The following DLGAP1 variants were observed in gnomAD, a reference collection of about 807,000 sequenced individuals.
DLGAP1 encodes the protein disks large-associated protein 1.
A neutral mutation model predicts 90.8 loss-of-function variants in DLGAP1; 11 were observed. That is an observed-to-expected ratio of 0.12 (90% CI 0.08 to 0.20). DLGAP1 has a LOEUF of 0.20. DLGAP1 is among the 10% of genes least tolerant of loss of function. The pLI, the probability that DLGAP1 is intolerant of heterozygous loss-of-function variation, is 1.00. For missense variants in DLGAP1, 1,050 were observed against 1,333.8 expected (o/e 0.79, Z 3.31); for synonymous variants, 558 against 540.7 (o/e 1.03, Z -0.44).
At chr18:4,440,096 G>T (rs11875377) in intron 1 of DLGAP1, among the ~76,000 whole-genome samples, 40,060 of 137,984 alleles carry the variant, frequency 0.29, 6,276 homozygotes, top group Non-Finnish European at 0.31. Context: ...CTCCAGCCTG[G>T]GTGACAGAGT....
intron 5 of DLGAP1, among the ~76,000 whole-genome samples, chr18:3,785,289 T>C (rs547151569): frequency 1.8e-4 from 27 of 152,278 alleles, no homozygotes; most frequent in African/African-American, 6.5e-4. Context: ...CAGGGCTGAG[T>C]TGCTTACGGA....
intron 7 of DLGAP1, among the ~76,000 whole-genome samples, chr18:3,648,463 C>T (rs935282129): frequency 1.3e-5 from 2 of 152,232 alleles, no homozygotes; most frequent in African/African-American, 4.8e-5. Context: ...GTGTGATTTC[C>T]GGGTTCATAA....
Position 4,100,978 on chromosome 18 carries a change from C to T in DLGAP1, c.-159+50202G>A, listed in dbSNP as rs112198810. On this transcript the variant is annotated intron_variant, in intron 2 of 12. Transcript: ENST00000315677. Reference sequence around the variant, plus strand: ...GGTTTGATCTTCTACCCAGACCACTCGAACTTTTTCTATATTATCAGTAAC... The same window carrying T: ...GGTTTGATCTTCTACCCAGACCACTTGAACTTTTTCTATATTATCAGTAAC... Among the ~76,000 whole-genome samples, 385 of 152,256 alleles carry T rather than the reference C, an allele frequency of 2.5e-3. 4 individuals carry two copies. Among genetic ancestry groups the T allele is most frequent in the African/African-American group, 9.2e-3 (381 of 41,554 alleles).
chr18:4,348,400 A>ATGTGTGTGTGTG (rs71160958), intron 1 of DLGAP1, among the ~76,000 whole-genome samples: 2,766 of 133,380 alleles, frequency 0.021, 50 homozygotes, highest in East Asian at 0.045. Context: ...GAACTCAGGA[A>ATGTGTGTGTGTG]TGTGTGTGTG....
chr18:3,684,130 G>A lies in DLGAP1; in HGVS notation c.1591+45005C>T, dbSNP rs1011363308. On this transcript the variant is annotated intron_variant, in intron 7 of 12. Coordinates refer to ENST00000315677, the MANE Select transcript of DLGAP1 (RefSeq NM_004746.4). ...TGCACTCTAGGAGAGATGACAGCTCGTTAAAGTACCATATATTTATAATAT... is the reference window on the plus strand; with the variant it reads ...TGCACTCTAGGAGAGATGACAGCTCATTAAAGTACCATATATTTATAATAT... 2.6e-5 allele frequency among the ~76,000 whole-genome samples: 4 copies of A among 151,476 alleles called. No homozygotes were observed. In the East Asian group the frequency reaches 7.8e-4, roughly 29 times the overall value.
Position 4,232,711 on chromosome 18 carries a change from C to T in DLGAP1, c.-266-81424G>A, listed in dbSNP as rs190679479. 1.9e-4 allele frequency among the ~76,000 whole-genome samples: 29 copies of T among 152,254 alleles called. 1 individual carries two copies. In the East Asian group the frequency reaches 5.2e-3, roughly 27 times the overall value. Reference sequence around the variant, plus strand: ...TGGTTTGTGGACCTCTGGAATGTAACTCAATCCATGGTCAAGGAAAAATGC... The same window carrying T: ...TGGTTTGTGGACCTCTGGAATGTAATTCAATCCATGGTCAAGGAAAAATGC... On this transcript the variant is annotated intron_variant, in intron 1 of 12. Coordinates refer to ENST00000315677, the MANE Select transcript of DLGAP1 (RefSeq NM_004746.4).
chr18:3,903,480 G>A (rs1033693812), intron 3 of DLGAP1, among the ~76,000 whole-genome samples: 17 of 152,186 alleles, frequency 1.1e-4, no homozygotes, highest in East Asian at 5.8e-4. Flanking sequence ...ATGGATTTAC[G>A]TATGACTAGC....
At chr18:3,619,542 T>A (rs984632875) in intron 7 of DLGAP1, among the ~76,000 whole-genome samples, 6 of 152,134 alleles carry the variant, frequency 3.9e-5, no homozygotes, top group African/African-American at 1.4e-4. Flanking sequence ...GAGGCCCATA[T>A]TGATGCAAGT....
Position 4,024,478 on chromosome 18 carries a change from C to T in DLGAP1, c.-158-19277G>A, listed in dbSNP as rs145498518. ...ATGCTTTTTCACGGAAACTGGCTTCCGAGTTCAACAAGACAGGCAAAGGGG... is the reference window on the plus strand; with the variant it reads ...ATGCTTTTTCACGGAAACTGGCTTCTGAGTTCAACAAGACAGGCAAAGGGG... On this transcript the variant is annotated intron_variant, in intron 2 of 12. Transcript: ENST00000315677. Among the ~76,000 whole-genome samples, 275 of 152,248 alleles carry T rather than the reference C, an allele frequency of 1.8e-3. 3 individuals are homozygous for T. The Middle Eastern group carries it at 0.02, about 11-fold the overall frequency.
chr18:4,355,334 T>A (rs1451958450), intron 1 of DLGAP1, among the ~76,000 whole-genome samples: 1 of 152,212 alleles, frequency 6.6e-6, no homozygotes, highest in Non-Finnish European at 1.5e-5. Flanking sequence ...TTATACTGTG[T>A]GTTAAAAGTC....
chr18:4,177,795 T>C (rs115593165), intron 1 of DLGAP1, among the ~76,000 whole-genome samples: 4,061 of 152,240 alleles, frequency 0.027, 154 homozygotes, highest in African/African-American at 0.087. Flanking sequence ...AAGGACATTA[T>C]CTTGTTCTTT....
chr18:4,296,316 A>G (rs2079980504), intron 1 of DLGAP1, among the ~76,000 whole-genome samples: 1 of 152,200 alleles, frequency 6.6e-6, no homozygotes, highest in Admixed American at 6.5e-5. Context: ...GTGCACACAC[A>G]CAGAAACACA....
chr18:4,231,955 G>A (rs1457162615), intron 1 of DLGAP1, among the ~76,000 whole-genome samples: 1 of 152,116 alleles, frequency 6.6e-6, no homozygotes, highest in African/African-American at 2.4e-5. Context: ...AGCCCATTGT[G>A]TATTAATAAT....
chr18:3,644,302 G>A (rs1476516853), intron 7 of DLGAP1, among the ~76,000 whole-genome samples: 1 of 152,150 alleles, frequency 6.6e-6, no homozygotes, highest in Non-Finnish European at 1.5e-5. Context: ...GTAGCAAAAC[G>A]TAACCTCATT....
At chr18:4,152,326 T>G (rs1355159276) in intron 1 of DLGAP1, among the ~76,000 whole-genome samples, 1 of 152,160 alleles carries the variant, frequency 6.6e-6, no homozygotes, top group Admixed American at 6.5e-5. Flanking sequence ...AGAATATAAT[T>G]TGTATTTTTT....
At chr18:3,541,723 C>T (rs1310963955) in intron 9 of DLGAP1, among the ~76,000 whole-genome samples, 11 of 152,198 alleles carry the variant, frequency 7.2e-5, no homozygotes, top group Admixed American at 2.6e-4. Flanking sequence ...CCCTTGCGAT[C>T]AAAAGAGATC....
chr18:4,167,520 C>A (rs888208141), intron 1 of DLGAP1, among the ~76,000 whole-genome samples: 3 of 152,126 alleles, frequency 2.0e-5, no homozygotes, highest in Admixed American at 6.5e-5. Context: ...AGGGTACATG[C>A]CACTATCCTA....
chr18:3,584,626 C>T (rs777418983), intron 7 of DLGAP1, among the ~76,000 whole-genome samples: 4 of 152,138 alleles, frequency 2.6e-5, no homozygotes, highest in African/African-American at 2.4e-5. Context: ...ATCATATGGA[C>T]TCTGGGATGG....
intron 4 of DLGAP1, among the ~76,000 whole-genome samples, chr18:3,868,009 A>T (rs184422635): frequency 6.6e-6 from 1 of 152,106 alleles, no homozygotes; most frequent in African/African-American, 2.4e-5. Context: ...CTCACCACAC[A>T]CCCCTCACAG....
Sources: gnomAD v4.1 joint callset for allele counts (sites outside exome capture counted in the v4.1 genomes callset) on GRCh38, gnomAD v4.1.1 for gene constraint, MANE v1.5 for transcripts, NCBI Gene and HGNC (gene_info 2026-07-23, HGNC 2026-07-21) for gene names.